CTNNA3: variants seen among roughly 807,000 people sequenced by gnomAD.
CTNNA3 encodes the protein catenin alpha 3.
In CTNNA3, 76 loss-of-function variants were observed where a neutral mutation model predicts 95.7. That is an observed-to-expected ratio of 0.79 (90% confidence interval 0.66 to 0.96). CTNNA3 has a LOEUF of 0.96. CTNNA3 is among the 40% of genes least tolerant of loss of function. CTNNA3 has a pLI of 0.00. For missense variants in CTNNA3, 1,191 were observed against 1,089.8 expected (o/e 1.09, Z -1.31); for synonymous variants, 431 against 374.4 (o/e 1.15, Z -1.74).
chr10:67,583,293 T>C (rs542369152), intron 3 of CTNNA3, among the ~76,000 whole-genome samples: 3 of 152,242 alleles, frequency 2.0e-5, no homozygotes, highest in East Asian at 1.9e-4. Context: ...GTCTGTAAAA[T>C]ATTTTATTTC....
intron 9 of CTNNA3, among the ~76,000 whole-genome samples, chr10:66,713,703 C>T (rs1848365464): frequency 6.6e-6 from 1 of 152,096 alleles, no homozygotes; most frequent in Non-Finnish European, 1.5e-5. Flanking sequence ...GCCTTGTCCA[C>T]CTATATTCTA....
intron 7 of CTNNA3, among the ~76,000 whole-genome samples, chr10:66,952,923 C>G (rs946716853): frequency 1.3e-4 from 19 of 151,962 alleles, no homozygotes; most frequent in African/African-American, 4.6e-4. Flanking sequence ...GTGTTACAGC[C>G]GTTCAGAATG....
At chr10:65,935,595 T>C (rs1045696573) in intron 17 of CTNNA3, among the ~76,000 whole-genome samples, 2 of 152,170 alleles carry the variant, frequency 1.3e-5, no homozygotes, top group Admixed American at 1.3e-4. Context: ...GTTTAAATGA[T>C]GAGAAAATGT....
chr10:66,799,559 T>G (rs1412189572), intron 7 of CTNNA3, among the ~76,000 whole-genome samples: 1 of 151,474 alleles, frequency 6.6e-6, no homozygotes, highest in Non-Finnish European at 1.5e-5. Flanking sequence ...ATATTTAAAC[T>G]GAAGCATTGT....
At chr10:66,602,375 C>A (rs1376321187) in intron 10 of CTNNA3, among the ~76,000 whole-genome samples, 1 of 151,726 alleles carries the variant, frequency 6.6e-6, no homozygotes, top group Non-Finnish European at 1.5e-5. Flanking sequence ...AGTTTTAAAG[C>A]TTTTTTTAAA....
At chr10:67,763,118 A>G (rs1841471206) in intron 1 of CTNNA3, among the ~76,000 whole-genome samples, 1 of 152,172 alleles carries the variant, frequency 6.6e-6, no homozygotes, top group South Asian at 2.1e-4. Context: ...GATTTAAAAA[A>G]CAAAAATGTA....
chr10:67,658,710 C>G (rs1390420207), intron 1 of CTNNA3, among the ~76,000 whole-genome samples: 1 of 152,118 alleles, frequency 6.6e-6, no homozygotes, highest in African/African-American at 2.4e-5. Flanking sequence ...AAGGTATGCC[C>G]CAGGGTTAGG....
intron 7 of CTNNA3, among the ~76,000 whole-genome samples, chr10:67,024,595 C>A (rs1853236420): frequency 6.6e-6 from 1 of 152,086 alleles, no homozygotes; most frequent in African/African-American, 2.4e-5. Flanking sequence ...AAATCATTTT[C>A]CTAACTTTGA....
At chr10:66,547,343 C>CTTTTGTTTTTTTTTTTTTTTTTTT (rs1246714246) in intron 10 of CTNNA3, among the ~76,000 whole-genome samples, 1 of 83,132 alleles carries the variant, frequency 1.2e-5, no homozygotes. Context: ...ATTTTTCTTT[C>CTTTTGTTTTTTTTTTTTTTTTTTT]TTTCTTTTTT....
At chr10:67,485,458 T>C (rs1310367979) in intron 5 of CTNNA3, among the ~76,000 whole-genome samples, 1 of 152,112 alleles carries the variant, frequency 6.6e-6, no homozygotes, top group African/African-American at 2.4e-5. Context: ...AATATAACCA[T>C]GTACATGTAC....
intron 9 of CTNNA3, among the ~76,000 whole-genome samples, chr10:66,665,739 A>G (rs546464986): frequency 1.6e-4 from 25 of 152,306 alleles, no homozygotes; most frequent in African/African-American, 6.0e-4. Flanking sequence ...AGTGTCAGAA[A>G]TTCCTGACTA....
chr10:66,168,869 T>C (rs2085275973), intron 13 of CTNNA3, among the ~76,000 whole-genome samples: 1 of 152,200 alleles, frequency 6.6e-6, no homozygotes, highest in Admixed American at 6.5e-5. Flanking sequence ...AAGACTTCTA[T>C]ATTTCAGTTG....
rs560840956 is a variant in CTNNA3 at position 67,473,847 on chromosome 10, G to A, written c.579+47995C>T. Among the ~76,000 whole-genome samples the A allele has an allele frequency of 6.6e-5, 10 of 152,274 alleles. No individual in the cohort carries two copies. The East Asian group carries it at 1.9e-3, about 29-fold the overall frequency. On this transcript the variant is annotated intron_variant, in intron 5 of 17. Coordinates refer to ENST00000433211, the MANE Select transcript of CTNNA3 (RefSeq NM_013266.4). ...ATATGGGAGGATGTGTATAGGCTAT[G>A]TGAAATTAAATAATTCAAATTTAAA...
chr10:66,381,471 G>A (rs1399864008), intron 11 of CTNNA3, among the ~76,000 whole-genome samples: 1 of 152,116 alleles, frequency 6.6e-6, no homozygotes, highest in Admixed American at 6.6e-5. Flanking sequence ...ATATCTGAGG[G>A]AAAGAATTTT....
chr10:66,965,105 G>T (rs1849326822), intron 7 of CTNNA3, among the ~76,000 whole-genome samples: 1 of 152,146 alleles, frequency 6.6e-6, no homozygotes, highest in Non-Finnish European at 1.5e-5. Context: ...GGCCAACTGT[G>T]GGTCAAGCCC....
chr10:67,535,080 A>T (rs1254850386), intron 4 of CTNNA3, among the ~76,000 whole-genome samples: 1 of 152,148 alleles, frequency 6.6e-6, no homozygotes, highest in Non-Finnish European at 1.5e-5. Context: ...AACTAACTTC[A>T]TTTCCTTTAT....
At chr10:67,655,902 T>C (rs1840011127) in intron 1 of CTNNA3, among the ~76,000 whole-genome samples, 1 of 151,908 alleles carries the variant, frequency 6.6e-6, no homozygotes, top group Non-Finnish European at 1.5e-5. Context: ...ATGTGAAGGA[T>C]TGAAACCAGA....
intron 5 of CTNNA3, among the ~76,000 whole-genome samples, chr10:67,348,960 G>A (rs541882098): frequency 1.3e-5 from 2 of 152,000 alleles, no homozygotes; most frequent in East Asian, 1.9e-4. Flanking sequence ...GAAAATATAC[G>A]CAACATCATT....
intron 11 of CTNNA3, among the ~76,000 whole-genome samples, chr10:66,397,081 C>A (rs1273148597): frequency 6.6e-6 from 1 of 151,542 alleles, no homozygotes; most frequent in Non-Finnish European, 1.5e-5. Flanking sequence ...CATATAATTA[C>A]ATACATTTTA....
Sources: allele counts gnomAD v4.1 joint callset (sites outside exome capture counted in the v4.1 genomes callset), GRCh38; gene constraint gnomAD v4.1.1; transcripts MANE v1.5; gene names NCBI Gene and HGNC (gene_info 2026-07-23, HGNC 2026-07-21).